Variants in NPM1 observed in about 807,000 individuals in gnomAD.
NPM1 encodes nucleophosmin.
Under a neutral mutation model 44.1 loss-of-function variants are expected in NPM1, and 1 was observed. The observed-to-expected ratio is 0.02, with a 90% CI of 0.01 to 0.11. NPM1 has a LOEUF of 0.11. NPM1 is among the 10% of genes least tolerant of loss of function. The pLI, the probability that NPM1 is intolerant of heterozygous loss-of-function variation, is 1.00. For missense variants in NPM1, 197 were observed against 347.8 expected (o/e 0.57, Z 3.45); for synonymous variants, 126 against 111.8 (o/e 1.13, Z -0.80).
intron 8 of NPM1, among the ~76,000 whole-genome samples, chr5:171,402,959 TTTTTTTTCATTTTA>T (rs1306222639): frequency 7.9e-6 from 1 of 127,200 alleles, no homozygotes; most frequent in Non-Finnish European, 1.7e-5. Context: ...GTTCTTTTTT[TTTTTTTTCATTTTA>T]TTTATTTATT....
intron 6 of NPM1, among the ~76,000 whole-genome samples, chr5:171,396,745 T>G (rs12186865): frequency 0.4 from 61,411 of 151,868 alleles, 12,432 homozygotes; most frequent in East Asian, 0.55. Context: ...CTTTGGGTGG[T>G]CGATGCGGGC....
chr5:171,403,514 C>T (rs1194751785), intron 8 of NPM1, among the ~76,000 whole-genome samples: 1 of 121,704 alleles, frequency 8.2e-6, no homozygotes, highest in East Asian at 2.6e-4. Flanking sequence ...TCTCAATGAG[C>T]TGTTGGGCAC....
chr5:171,407,818 G>C (rs767274420), intron 10 of NPM1, 44 bp downstream of exon 10: 1 of 1,246,620 alleles, frequency 8.0e-7, no homozygotes, highest in South Asian at 1.2e-5. Flanking sequence ...AAGTTTTTTT[G>C]TGATTTATTA....
intron 6 of NPM1, among the ~76,000 whole-genome samples, chr5:171,394,177 G>A (rs1024662089): frequency 1.1e-4 from 17 of 151,708 alleles, no homozygotes; most frequent in African/African-American, 4.1e-4. Flanking sequence ...GGGTAGCTGG[G>A]ACTGCAGGCT....
At chr5:171,405,270 T>G in intron 8 of NPM1, 32 bp from the exon 9 acceptor site, 1 of 1,064,158 alleles carries the variant, frequency 9.4e-7, no homozygotes, top group South Asian at 1.4e-5. Context: ...TATTTATTCT[T>G]ATGACCTTTT....
At chr5:171,410,457 G>T (rs948659348) in intron 10 of NPM1, 70 bp from the exon 11 acceptor site, 3 of 940,532 alleles carry the variant, frequency 3.2e-6, no homozygotes, top group African/African-American at 3.4e-5. Context: ...TATGCAAAGA[G>T]ACATTTAATT....
intron 10 of NPM1, among the ~76,000 whole-genome samples, chr5:171,408,260 A>G (rs1771667063): frequency 6.6e-6 from 1 of 152,044 alleles, no homozygotes; most frequent in Non-Finnish European, 1.5e-5. Context: ...CATAAGCTTG[A>G]GTTAGCTGTT....
intron 8 of NPM1, among the ~76,000 whole-genome samples, chr5:171,401,579 T>G (rs888832432): frequency 1.3e-5 from 2 of 152,100 alleles, no homozygotes; most frequent in Non-Finnish European, 1.5e-5. Context: ...TGGGACTACA[T>G]GCGCGTGCCA....
rs995333363 is a variant in NPM1 at position 171,400,851 on chromosome 5, A to G, written c.595A>G (p.Thr199Ala). The G allele has an allele frequency of 8.7e-6, 14 of 1,608,190 alleles. 1 individual carries two copies. The African/African-American group carries it at 1.1e-4, about 12-fold the overall frequency. ...TTTCTAATTGCAGTCTATACGAGATACTCCAGCCAAAAATGCACAAAAGTC... is the reference window on the plus strand; with the variant it reads ...TTTCTAATTGCAGTCTATACGAGATGCTCCAGCCAAAAATGCACAAAAGTC... ...KAPVKKSIRD[T>A]PAKNAQKSNQ... Residue 199 changes from threonine (T) to alanine (A), a missense_variant, in exon 8 of 11, where the codon ACT (threonine) becomes GCT (alanine). Transcript: ENST00000296930.
At chr5:171,387,591 A>C, upstream of NPM1, 1 of 277,412 alleles carries the variant, frequency 3.6e-6, no homozygotes, top group East Asian at 5.7e-5. Flanking sequence ...GCGCGTTACG[A>C]CTGGAAAGCA....
intron 8 of NPM1, among the ~76,000 whole-genome samples, chr5:171,404,621 G>A (rs1185332752): frequency 8.3e-4 from 99 of 119,456 alleles, no homozygotes; most frequent in African/African-American, 3.2e-3. Flanking sequence ...ATGGGATGGC[G>A]GCCGGGCGGA....
chr5:171,400,274 A>G, intron 7 of NPM1, 64 bp downstream of exon 7: 6 of 1,604,216 alleles, frequency 3.7e-6, no homozygotes, highest in Non-Finnish European at 5.1e-6. Flanking sequence ...TTTTAGTGCT[A>G]TTTGCTTGTT....
intron 4 of NPM1, 73 bp from the exon 5 acceptor site, chr5:171,392,637 T>C (rs1226120012): frequency 1.0e-5 from 9 of 904,346 alleles, no homozygotes; most frequent in Non-Finnish European, 1.5e-5. Context: ...TTAGAGTATT[T>C]ACTATCAGTG....
intron 3 of NPM1, 72 bp downstream of exon 3, chr5:171,391,496 T>G: frequency 1.9e-6 from 3 of 1,572,924 alleles, no homozygotes; most frequent in South Asian, 2.3e-5. Context: ...TGGTGTCATT[T>G]AGTTGTGCCA....
At chr5:171,405,497 G>T in intron 9 of NPM1, 94 bp downstream of exon 9, 2 of 691,850 alleles carry the variant, frequency 2.9e-6, no homozygotes, top group Non-Finnish European at 5.1e-6. Context: ...TTTTTTGTTT[G>T]TTTTGGTTTA....
intron 4 of NPM1, 64 bp from the exon 5 acceptor site, chr5:171,392,646 T>G (rs1056537513): frequency 2.0e-6 from 2 of 999,478 alleles, no homozygotes; most frequent in Non-Finnish European, 3.0e-6. Flanking sequence ...TTACTATCAG[T>G]GTTCTTTTTT....
At chr5:171,400,125 G>T (rs1418704349) in intron 6 of NPM1, 28 bp from the exon 7 acceptor site, 1 of 1,361,706 alleles carries the variant, frequency 7.3e-7, no homozygotes, top group South Asian at 1.2e-5. Context: ...TTTTGAAAGT[G>T]CTTAATGTCT....
intron 4 of NPM1, among the ~76,000 whole-genome samples, chr5:171,392,084 C>T (rs528172471): frequency 2.3e-4 from 35 of 152,166 alleles, no homozygotes; most frequent in Admixed American, 6.5e-4. Context: ...GGGCCACAGA[C>T]GTGCACCACC....
At chr5:171,400,460 C>CTTTT (rs199784076) in intron 7 of NPM1, among the ~76,000 whole-genome samples, 1 of 138,698 alleles carries the variant, frequency 7.2e-6, no homozygotes, top group Non-Finnish European at 1.6e-5. Context: ...TTTTTCCTTC[C>CTTTT]TTTTTTTTTT....
Sources: gnomAD v4.1 joint callset for allele counts (sites outside exome capture counted in the v4.1 genomes callset) on GRCh38, gnomAD v4.1.1 for gene constraint, MANE v1.5 for transcripts, NCBI Gene and HGNC (gene_info 2026-07-23, HGNC 2026-07-21) for gene names.